DENND1A: variants seen among roughly 807,000 people sequenced by gnomAD.
The protein encoded by DENND1A is DENN domain-containing protein 1A.
Under a neutral mutation model 113.7 loss-of-function variants are expected in DENND1A, and 51 were observed. The observed-to-expected ratio is 0.45, with a 90% confidence interval of 0.36 to 0.57. The LOEUF (loss-of-function observed/expected upper bound fraction) is 0.57. DENND1A is among the 20% of genes least tolerant of loss of function. The pLI is 0.00. For synonymous variants in DENND1A, 565 were observed against 570.8 expected, an observed-to-expected ratio of 0.99 and a Z score of 0.14; for missense variants, 1,258 against 1,395.9, an observed-to-expected ratio of 0.90 and a Z score of 1.57.
At chr9:123,698,798 C>T (rs565927603) in intron 5 of DENND1A, among the ~76,000 whole-genome samples, 10 of 152,188 alleles carry the variant, frequency 6.6e-5, no homozygotes, top group Non-Finnish European at 1.0e-4. Flanking sequence ...CTGCGTACTA[C>T]GTTGCACACC....
In DENND1A at chr9:123,381,788, T is replaced by G; in HGVS notation, c.2857A>C (p.Met953Leu). The part of the protein sequence containing the change: ...RSQPNLSALS[M>L]PNLFGQMPMG... The stretch of plus-strand genomic sequence containing the variant: ...GGCATCTGGCCAAAGAGGTTGGGCA[T>G]GGAGAGGGCGGAGAGGTTGGGCTGA... Residue 953 changes from methionine to leucine, a missense_variant, in exon 24 of 24, where the codon ATG becomes CTG. This residue lies in a region of DENND1A where 1,159 missense variants were observed against 1,231.7 expected (regional missense o/e 0.94). Coordinates refer to ENST00000394215, the MANE Select transcript of DENND1A (RefSeq NM_001352964.2). This position sits in a 1 kb window ranked among gnomAD's most constrained non-coding sequence, Gnocchi z 4.7. 1 of 1,517,374 alleles carries G rather than the reference T, an allele frequency of 6.6e-7. No individual in the cohort carries two copies. The highest frequency in any genetic ancestry group is 8.8e-7 in the Non-Finnish European group (1 of 1,132,384). 94.0% of individuals were successfully genotyped at this position (1,517,374 alleles called of 1,614,324 possible). A position where few individuals can be genotyped will look rare whatever the true frequency, so the allele number is the denominator to read the frequency against.
At chr9:123,401,056 G>A (rs56352667) in intron 21 of DENND1A, 2,342 of 152,310 alleles carry the variant, frequency 0.015, 23 homozygotes, top group Non-Finnish European at 0.025. Context: ...CCAAGTCCGT[G>A]TGCCCAACAC....
chr9:123,548,334 C>T lies in DENND1A; in HGVS notation c.993+9236G>A, dbSNP rs529310700. ...CCCCATCAATGAATCTGCTTAGCTCCGGCCTGTAGGTTTTGGCTATAATTC... is the reference window on the plus strand; with the variant it reads ...CCCCATCAATGAATCTGCTTAGCTCTGGCCTGTAGGTTTTGGCTATAATTC... On this transcript the variant is annotated intron_variant, in intron 13 of 23. Transcript: ENST00000394215. Among the ~76,000 whole-genome samples the T allele has an allele frequency of 5.3e-5, 8 of 152,284 alleles. No individual in the cohort carries two copies. The South Asian group carries it at 8.3e-4, about 16-fold the overall frequency.
intron 8 of DENND1A, among the ~76,000 whole-genome samples, chr9:123,661,552 C>T (rs551938549): frequency 6.6e-6 from 1 of 152,162 alleles, no homozygotes; most frequent in Non-Finnish European, 1.5e-5. Flanking sequence ...GAGGCCACTG[C>T]CCCCAAAATA....
chr9:123,620,213 C>CAAA (rs34196587), intron 10 of DENND1A, among the ~76,000 whole-genome samples: 174 of 58,752 alleles, frequency 3.0e-3, no homozygotes, highest in African/African-American at 5.9e-3. Context: ...GACTCCATCT[C>CAAA]AAAAAAAAAA....
intron 2 of DENND1A, among the ~76,000 whole-genome samples, chr9:123,806,989 T>C (rs1372702600): frequency 1.3e-5 from 2 of 152,184 alleles, no homozygotes; most frequent in Non-Finnish European, 2.9e-5. Flanking sequence ...TCAAGCATCA[T>C]TGCAAAAATT....
chr9:123,395,382 T>C (rs184979363), intron 21 of DENND1A, among the ~76,000 whole-genome samples: 1 of 152,234 alleles, frequency 6.6e-6, no homozygotes, highest in East Asian at 1.9e-4. Context: ...TTCTTGGCAC[T>C]TCCTGCTCTT....
At chr9:123,781,558 A>G (rs2131846272) in intron 3 of DENND1A, among the ~76,000 whole-genome samples, 1 of 152,294 alleles carries the variant, frequency 6.6e-6, no homozygotes, top group Middle Eastern at 3.4e-3. Flanking sequence ...TACATCAGAA[A>G]ACATTTATTA....
At chr9:123,613,989 C>A (rs746423379) in intron 10 of DENND1A, among the ~76,000 whole-genome samples, 19 of 152,262 alleles carry the variant, frequency 1.2e-4, no homozygotes, top group Non-Finnish European at 2.2e-4. Flanking sequence ...AACAGAATAA[C>A]CTTTACCTGG....
intron 21 of DENND1A, among the ~76,000 whole-genome samples, chr9:123,396,792 CAT>C (rs1293704106): frequency 1.3e-5 from 2 of 152,206 alleles, no homozygotes; most frequent in East Asian, 1.9e-4. Flanking sequence ...GATTCGGACA[CAT>C]GTTTGAATGC....
At chr9:123,395,268 C>G (rs1310666091) in intron 21 of DENND1A, among the ~76,000 whole-genome samples, 1 of 152,082 alleles carries the variant, frequency 6.6e-6, no homozygotes, top group Non-Finnish European at 1.5e-5. Flanking sequence ...AAAAGTCCTT[C>G]CCTCTGATTT....
chr9:123,409,230 T>C (rs2044117799), intron 20 of DENND1A, among the ~76,000 whole-genome samples: 1 of 152,122 alleles, frequency 6.6e-6, no homozygotes, highest in African/African-American at 2.4e-5. Flanking sequence ...AGACCTAACA[T>C]GGCACTGGAG....
At chr9:123,469,306 A>G (rs1331247286) in intron 13 of DENND1A, among the ~76,000 whole-genome samples, 1 of 152,258 alleles carries the variant, frequency 6.6e-6, no homozygotes, top group Non-Finnish European at 1.5e-5. Context: ...GATTTAAGTT[A>G]GGGGAAATGT....
At chr9:123,587,713 A>G (rs1453472119) in intron 11 of DENND1A, among the ~76,000 whole-genome samples, 2 of 152,212 alleles carry the variant, frequency 1.3e-5, no homozygotes, top group Admixed American at 1.3e-4. Context: ...CTGTTGGCTC[A>G]TTTTGGCAGT....
Position 123,381,519 on chromosome 9 carries a change from G to C in DENND1A, c.3126C>G (p.Thr1042=). 1 of 1,613,700 alleles carries C rather than the reference G, an allele frequency of 6.2e-7. No homozygotes were observed. The highest frequency in any genetic ancestry group is 8.5e-7 in the Non-Finnish European group (1 of 1,179,976). ...CCGGACTCGGGCTCACGTCTTGCTTGGTTTTCTGTAACAAATCCTCAAAGG... is the reference window on the plus strand; with the variant it reads ...CCGGACTCGGGCTCACGTCTTGCTTCGTTTTCTGTAACAAATCCTCAAAGG... ...RDPFEDLLQK[T]KQDVSPSPAL... is the part of the protein sequence containing the mutation. Residue 1042 remains threonine (T), a synonymous_variant, in exon 24 of 24, where the codon ACC becomes ACG. Coordinates refer to ENST00000394215, the MANE Select transcript of DENND1A (RefSeq NM_001352964.2). This position sits in a 1 kb window ranked among gnomAD's most constrained non-coding sequence, Gnocchi z 4.7.
intron 12 of DENND1A, among the ~76,000 whole-genome samples, chr9:123,582,896 A>G (rs1051456529): frequency 5.4e-5 from 8 of 149,296 alleles, no homozygotes; most frequent in Non-Finnish European, 1.2e-4. Context: ...ACAGGGTTTC[A>G]CCATGTTGCC....
chr9:123,564,425 C>T (rs2057936092), intron 12 of DENND1A, among the ~76,000 whole-genome samples: 1 of 152,234 alleles, frequency 6.6e-6, no homozygotes, highest in Non-Finnish European at 1.5e-5. Context: ...GCCTGGAAGG[C>T]CCCGTTTGAT....
intron 19 of DENND1A, among the ~76,000 whole-genome samples, chr9:123,438,185 G>A (rs1331603703): frequency 6.6e-6 from 1 of 152,168 alleles, no homozygotes; most frequent in Non-Finnish European, 1.5e-5. Context: ...ACTTCTTACG[G>A]TCAACAGCCC....
At chr9:123,499,017 C>G (rs773213019) in intron 13 of DENND1A, among the ~76,000 whole-genome samples, 26 of 150,076 alleles carry the variant, frequency 1.7e-4, no homozygotes, top group Non-Finnish European at 3.4e-4. Context: ...GCCACTGTGC[C>G]CCGCCTTTTT....
Sources: gnomAD v4.1 joint callset for allele counts (sites outside exome capture counted in the v4.1 genomes callset) on GRCh38, gnomAD v4.1.1 for gene constraint, gnomAD v4.1.1 regional missense constraint, Gnocchi (gnomAD v3.1) non-coding constraint, MANE v1.5 for transcripts, NCBI Gene and HGNC (gene_info 2026-07-23, HGNC 2026-07-21) for gene names.